Variants in TRERF1 observed in about 807,000 individuals in gnomAD.
The protein encoded by TRERF1 is transcriptional regulating factor 1, also known as transcriptional-regulating factor 1.
Under a neutral mutation model 122.9 loss-of-function variants are expected in TRERF1, and 27 were observed. The observed-to-expected ratio is 0.22, with a 90% CI of 0.16 to 0.30. TRERF1 has a LOEUF of 0.30. TRERF1 is among the 10% of genes least tolerant of loss of function. TRERF1 has a pLI of 1.00. For missense variants in TRERF1, 1,248 were observed against 1,560.3 expected (o/e 0.80, Z 3.37); for synonymous variants, 636 against 641.7 (o/e 0.99, Z 0.13).
intron 2 of TRERF1, among the ~76,000 whole-genome samples, chr6:42,366,009 C>T (rs537941836): frequency 6.6e-6 from 1 of 152,286 alleles, no homozygotes; most frequent in South Asian, 2.1e-4. Context: ...CGTACCTCTG[C>T]TCACCCCATC....
At chr6:42,389,461 G>A (rs1192868429) in intron 2 of TRERF1, among the ~76,000 whole-genome samples, 1 of 152,182 alleles carries the variant, frequency 6.6e-6, no homozygotes, top group Non-Finnish European at 1.5e-5. Context: ...CCATCACTTT[G>A]GGTCACTGCT....
At position 42,299,116 on chromosome 6, in the gene TRERF1, C is replaced by CTGTCTGCATCTATCTA. The variant is rs10627056; in HGVS notation, c.-259+1521_-259+1522insTAGATAGATGCAGACA. On this transcript the variant is annotated intron_variant, in intron 4 of 17. Coordinates refer to ENST00000372922, the Ensembl canonical transcript of TRERF1. ...TCTATCTGTCTGTCTGTCTGTCTGTCTCTATCTATCTATCTATCTACATAT... is the reference window on the plus strand; with the variant it reads ...TCTATCTGTCTGTCTGTCTGTCTGTCTGTCTGCATCTATCTATCTATCTATCTATCTATCTACATAT... Among the ~76,000 whole-genome samples the CTGTCTGCATCTATCTA allele has an allele frequency of 1.4e-4, 20 of 141,786 alleles. 1 individual carries two copies. The highest frequency in any genetic ancestry group is 1.3e-3 in the Admixed American group (19 of 14,504). 93.0% of individuals were successfully genotyped at this position (141,786 alleles called of 152,430 possible).
intron 2 of TRERF1, among the ~76,000 whole-genome samples, chr6:42,434,381 TA>T (rs3997674): frequency 2.1e-4 from 29 of 137,240 alleles, no homozygotes; most frequent in East Asian, 4.1e-4. Flanking sequence ...GTAAAATTGC[TA>T]AAAAAAAAAA....
At chr6:42,437,729 C>T (rs1011868553) in intron 2 of TRERF1, among the ~76,000 whole-genome samples, 7 of 152,056 alleles carry the variant, frequency 4.6e-5, no homozygotes, top group Non-Finnish European at 1.5e-5. Context: ...AGTCTGAATC[C>T]CTGCCCTGCA....
intron 3 of TRERF1, among the ~76,000 whole-genome samples, chr6:42,319,598 G>A (rs1338045641): frequency 6.6e-6 from 1 of 152,088 alleles, no homozygotes; most frequent in African/African-American, 2.4e-5. Flanking sequence ...GAGGCAGGAG[G>A]ATCACTTGAG....
chr6:42,435,410 G>A (rs1785164083), intron 2 of TRERF1, among the ~76,000 whole-genome samples: 1 of 152,016 alleles, frequency 6.6e-6, no homozygotes, highest in Non-Finnish European at 1.5e-5. Flanking sequence ...ACTTAGCCAG[G>A]CATGGTGGTG....
At chr6:42,281,307 C>A (rs1448894990) in intron 4 of TRERF1, among the ~76,000 whole-genome samples, 2 of 152,104 alleles carry the variant, frequency 1.3e-5, no homozygotes, top group African/African-American at 4.8e-5. Flanking sequence ...AGGACCAAAT[C>A]CTAGCTAAAG....
chr6:42,332,814 G>A (rs1765463079), intron 3 of TRERF1, among the ~76,000 whole-genome samples: 1 of 152,200 alleles, frequency 6.6e-6, no homozygotes, highest in Admixed American at 6.5e-5. Context: ...TCAAGGTGAC[G>A]AAGGGCCAAT....
At chr6:42,296,031 C>T (rs1315428156) in intron 4 of TRERF1, among the ~76,000 whole-genome samples, 1 of 152,068 alleles carries the variant, frequency 6.6e-6, no homozygotes, top group Non-Finnish European at 1.5e-5. Context: ...GAAAATGTGT[C>T]CTCAGAGCAG....
In TRERF1 at chr6:42,275,070, T is replaced by C. The variant is rs1259101346; in HGVS notation, c.-258-5222A>G. Among the ~76,000 whole-genome samples, 5 of 152,254 alleles carry C rather than the reference T, an allele frequency of 3.3e-5. No individual in the cohort carries two copies. The highest frequency in any genetic ancestry group is 7.3e-5 in the Non-Finnish European group (5 of 68,040). On this transcript the variant is annotated intron_variant, in intron 4 of 17. Transcript: ENST00000372922. This position sits in a 1 kb window ranked among gnomAD's most constrained non-coding sequence, Gnocchi z 4.1. ...AAGAACACTAATGCACAGCCCGTCT[T>C]ATACAGATGGTAGCGTGCTACGCCG...
At chr6:42,430,751 G>T (rs894489489) in intron 2 of TRERF1, among the ~76,000 whole-genome samples, 1 of 152,168 alleles carries the variant, frequency 6.6e-6, no homozygotes, top group Admixed American at 6.5e-5. Flanking sequence ...CAAAAAATTA[G>T]CCAGGCGTGG....
intron 2 of TRERF1, among the ~76,000 whole-genome samples, chr6:42,419,270 G>A (rs1237898057): frequency 3.0e-4 from 6 of 20,046 alleles, no homozygotes; most frequent in African/African-American, 6.5e-4. Context: ...CCCCCGCCCC[G>A]GCTTCTGCTG....
chr6:42,268,252 T>G lies in TRERF1; in HGVS notation c.1339A>C (p.Thr447Pro). Residue 447 changes from threonine to proline, a missense_variant, in exon 5 of 18, where the codon ACC becomes CCC. By Grantham distance (38) the Thr-to-Pro change is conservative. This residue lies in a region of TRERF1 where 946 missense variants were observed against 1,073.0 expected (regional missense o/e 0.88). Transcript: ENST00000372922. This position sits in a 1 kb window ranked among gnomAD's most constrained non-coding sequence, Gnocchi z 4.4. ...GATAGGAGGGGGCGATGGGGGAGGG[T>G]GCTGCTGACCCGGGTCAGATCTGAG... 4 of 1,493,038 alleles carry G rather than the reference T, an allele frequency of 2.7e-6. No homozygotes were observed. Among genetic ancestry groups the G allele is most frequent in the East Asian group, 2.3e-5 (1 of 42,958 alleles). The allele number at this position is 1,493,038 out of a possible 1,614,324, so 92.5% of individuals were successfully genotyped here.
At chr6:42,422,773 G>A (rs1782987483) in intron 2 of TRERF1, among the ~76,000 whole-genome samples, 2 of 151,584 alleles carry the variant, frequency 1.3e-5, no homozygotes, top group African/African-American at 4.8e-5. Context: ...TGATCATCTA[G>A]CAGCTGCCCT....
intron 15 of TRERF1, among the ~76,000 whole-genome samples, chr6:42,239,999 C>T (rs1187090021): frequency 6.6e-6 from 1 of 151,982 alleles, no homozygotes; most frequent in African/African-American, 2.4e-5. Flanking sequence ...GGGTGTGGCC[C>T]CTTGGGCACC....
intron 4 of TRERF1, among the ~76,000 whole-genome samples, chr6:42,285,556 G>A (rs1332440109): frequency 6.6e-6 from 1 of 151,350 alleles, no homozygotes; most frequent in Non-Finnish European, 1.5e-5. Context: ...TCCCTGTCTT[G>A]TGCCAGTTTT....
At chr6:42,318,174 T>C (rs1762822303) in intron 3 of TRERF1, among the ~76,000 whole-genome samples, 1 of 152,076 alleles carries the variant, frequency 6.6e-6, no homozygotes, top group African/African-American at 2.4e-5. Flanking sequence ...AAAAAGCTCT[T>C]TGTAAATACT....
intron 2 of TRERF1, among the ~76,000 whole-genome samples, chr6:42,418,264 TTC>T (rs1437787064): frequency 7.6e-5 from 4 of 52,586 alleles, no homozygotes; most frequent in Non-Finnish European, 5.0e-5. Context: ...CTTTCTTTCT[TTC>T]TTTTTTTTTT....
chr6:42,407,481 G>T (rs887964999), intron 2 of TRERF1, among the ~76,000 whole-genome samples: 1 of 152,078 alleles, frequency 6.6e-6, no homozygotes, highest in African/African-American at 2.4e-5. Flanking sequence ...CCATAAAACC[G>T]GCTCGACAAA....
Sources: allele counts gnomAD v4.1 joint callset (sites outside exome capture counted in the v4.1 genomes callset), GRCh38; gene constraint gnomAD v4.1.1; regional missense constraint gnomAD v4.1.1; non-coding constraint Gnocchi (gnomAD v3.1); transcripts MANE v1.5; gene names NCBI Gene and HGNC (gene_info 2026-07-23, HGNC 2026-07-21).